The following LPP variants were observed in gnomAD, a reference collection of about 807,000 sequenced individuals.
LPP encodes the protein lipoma-preferred partner.
Under a neutral mutation model 60.4 loss-of-function variants are expected in LPP, and 38 were observed. That is an observed-to-expected ratio of 0.63 (90% CI 0.49 to 0.83). The LOEUF is 0.83. Ranked by LOEUF, LPP falls within the 40% of genes least tolerant of loss-of-function variation. The pLI, the probability that LPP is intolerant of heterozygous loss-of-function variation, is 0.00. For synonymous variants in LPP, 328 were observed against 290.8 expected, an observed-to-expected ratio of 1.13 and a Z score of -1.30; for missense variants, 902 against 783.6, an observed-to-expected ratio of 1.15 and a Z score of -1.80.
chr3:188,214,118 C>CT (rs890679176), intron 1 of LPP, among the ~76,000 whole-genome samples: 103 of 146,906 alleles, frequency 7.0e-4, no homozygotes, highest in Middle Eastern at 3.6e-3. Context: ...TTCAGATCAA[C>CT]TTTTTTTTTT....
chr3:188,512,311 A>T (rs908874773), intron 5 of LPP, among the ~76,000 whole-genome samples: 1 of 152,160 alleles, frequency 6.6e-6, no homozygotes, highest in Admixed American at 6.5e-5. Flanking sequence ...TAATCCCAGC[A>T]CTTTGGGAGG....
intron 3 of LPP, among the ~76,000 whole-genome samples, chr3:188,381,312 C>T (rs931868401): frequency 1.3e-5 from 2 of 152,148 alleles, no homozygotes; most frequent in African/African-American, 4.8e-5. Flanking sequence ...CTTCTTACCC[C>T]TTCTCTTCTT....
At chr3:188,278,327 C>T (rs1489170474) in intron 2 of LPP, among the ~76,000 whole-genome samples, 1 of 152,154 alleles carries the variant, frequency 6.6e-6, no homozygotes, top group Admixed American at 6.5e-5. Context: ...TGATATTCGT[C>T]CCCTGGCCTT....
intron 7 of LPP, among the ~76,000 whole-genome samples, chr3:188,695,617 T>A (rs1363431278): frequency 6.6e-6 from 1 of 152,318 alleles, no homozygotes; most frequent in East Asian, 1.9e-4. Flanking sequence ...CCAACTCCAT[T>A]TACAGGTGAA....
At chr3:188,206,992 G>A (rs9866747) in intron 1 of LPP, among the ~76,000 whole-genome samples, 157 of 152,226 alleles carry the variant, frequency 1.0e-3, no homozygotes, top group African/African-American at 3.5e-3. Context: ...AGTCAAAAGA[G>A]CCTATTTTCT....
At chr3:188,363,676 G>A (rs1335778632) in intron 3 of LPP, among the ~76,000 whole-genome samples, 1 of 152,100 alleles carries the variant, frequency 6.6e-6, no homozygotes, top group East Asian at 1.9e-4. Flanking sequence ...GGAGGCCAAG[G>A]CGGGCAGATC....
At chr3:188,655,141 C>T (rs965230083) in intron 7 of LPP, among the ~76,000 whole-genome samples, 15 of 152,110 alleles carry the variant, frequency 9.9e-5, no homozygotes, top group Non-Finnish European at 2.2e-4. Flanking sequence ...TTTTGCAATA[C>T]AGGGCAGGAT....
intron 1 of LPP, among the ~76,000 whole-genome samples, chr3:188,170,851 A>G (rs1261209596): frequency 1.3e-5 from 2 of 152,282 alleles, no homozygotes; most frequent in Non-Finnish European, 2.9e-5. Context: ...TACTTCATTT[A>G]AAATAATGCT....
rs538199761 is a variant in LPP, at chr3:188,358,192, C to T, written c.-10+16473C>T. On this transcript the variant is annotated intron_variant, in intron 3 of 11. Coordinates refer to ENST00000617246, the MANE Select transcript of LPP (RefSeq NM_001375462.1). Reference sequence around the variant, plus strand: ...ATTTCACAGAGGAAGAATTGAGATCCAGAGATGTTACATAATTTGCCCAAG... The same window carrying T: ...ATTTCACAGAGGAAGAATTGAGATCTAGAGATGTTACATAATTTGCCCAAG... 5.3e-5 allele frequency among the ~76,000 whole-genome samples: 8 copies of T among 152,186 alleles called. 1 individual carries two copies. The East Asian group carries it at 1.4e-3, about 26-fold the overall frequency.
At chr3:188,739,722 T>C (rs916372540) in intron 8 of LPP, among the ~76,000 whole-genome samples, 32 of 152,056 alleles carry the variant, frequency 2.1e-4, no homozygotes, top group Non-Finnish European at 2.9e-5. Flanking sequence ...ATAACTGTGT[T>C]ATCTGTGAGC....
At chr3:188,543,660 A>T (rs1052487435) in intron 6 of LPP, among the ~76,000 whole-genome samples, 2 of 152,188 alleles carry the variant, frequency 1.3e-5, no homozygotes, top group Non-Finnish European at 2.9e-5. Context: ...ACATCAAAGC[A>T]TGGAAGCTGA....
At chr3:188,231,125 C>A (rs765636542) in intron 2 of LPP, among the ~76,000 whole-genome samples, 1 of 152,170 alleles carries the variant, frequency 6.6e-6, no homozygotes, top group East Asian at 1.9e-4. Flanking sequence ...ATAAGTTAAT[C>A]CTGGAGGTGA....
At chr3:188,734,885 C>G (rs983417772) in intron 8 of LPP, among the ~76,000 whole-genome samples, 9 of 152,150 alleles carry the variant, frequency 5.9e-5, no homozygotes, top group Non-Finnish European at 1.0e-4. Context: ...GGGTATTGAG[C>G]CCTTCTTGAA....
chr3:188,760,275 G>T lies in LPP; in HGVS notation c.1403G>T (p.Cys468Phe), dbSNP rs779798778. The change falls in exon 9 of 12, where the codon TGC becomes TTC. Residue 468 changes from cysteine to phenylalanine, a missense_variant. Cys to Phe is a radical substitution (Grantham distance 205). Transcript: ENST00000617246. ...AVEKKAYCEPCYINTLEQCNV... is the reference protein window; with the variant it reads ...AVEKKAYCEPFYINTLEQCNV... ...GAAAAGAAAGCATACTGCGAGCCCTGCTACATTGTAAGTTCCAGATTTGTT... is the reference window on the plus strand; with the variant it reads ...GAAAAGAAAGCATACTGCGAGCCCTTCTACATTGTAAGTTCCAGATTTGTT... 1 of 1,614,090 alleles carries T rather than the reference G, an allele frequency of 6.2e-7. No individual in the cohort carries two copies. Among genetic ancestry groups the T allele is most frequent in the Non-Finnish European group, 8.5e-7 (1 of 1,179,988 alleles).
intron 7 of LPP, among the ~76,000 whole-genome samples, chr3:188,685,734 G>A (rs1479441677): frequency 6.6e-6 from 1 of 151,988 alleles, no homozygotes; most frequent in Non-Finnish European, 1.5e-5. Flanking sequence ...AATCAAAGAA[G>A]GAAACTTCCC....
intron 9 of LPP, among the ~76,000 whole-genome samples, chr3:188,775,731 C>T (rs1737533705): frequency 6.6e-6 from 1 of 152,196 alleles, no homozygotes; most frequent in Admixed American, 6.5e-5. Flanking sequence ...TCCTCATGCA[C>T]AGATCGATAA....
chr3:188,533,008 T>C (rs1301563346), intron 6 of LPP, among the ~76,000 whole-genome samples: 1 of 152,190 alleles, frequency 6.6e-6, no homozygotes, highest in Non-Finnish European at 1.5e-5. Context: ...TATGGACACA[T>C]CGTTAGCTGC....
intron 8 of LPP, among the ~76,000 whole-genome samples, chr3:188,742,991 A>G (rs1486280255): frequency 6.6e-6 from 1 of 152,084 alleles, no homozygotes; most frequent in Non-Finnish European, 1.5e-5. Context: ...AGGTTTCTTT[A>G]AAGGATGGCA....
chr3:188,170,329 C>CTTTTT (rs34760455), intron 1 of LPP, among the ~76,000 whole-genome samples: 108 of 96,370 alleles, frequency 1.1e-3, no homozygotes, highest in South Asian at 1.5e-3. Context: ...CTTTTCTTTT[C>CTTTTT]TTTTTTTTTT....
Sources: gnomAD v4.1 joint callset for allele counts (sites outside exome capture counted in the v4.1 genomes callset) on GRCh38, gnomAD v4.1.1 for gene constraint, MANE v1.5 for transcripts, NCBI Gene and HGNC (gene_info 2026-07-23, HGNC 2026-07-21) for gene names.